CACTIN: variants seen among roughly 807,000 people sequenced by gnomAD.
CACTIN encodes the protein splicing factor Cactin.
A neutral mutation model predicts 84.9 loss-of-function variants in CACTIN; 20 were observed. That is an observed-to-expected ratio of 0.24 (90% CI 0.17 to 0.34). The LOEUF (loss-of-function observed/expected upper bound fraction) is 0.34. Among genes scored for constraint, CACTIN ranks in the 10% least tolerant of loss-of-function variants. CACTIN has a pLI of 1.00. For missense variants in CACTIN, 897 were observed against 1,117.2 expected, an observed-to-expected ratio of 0.80 and a Z score of 2.81; for synonymous variants, 549 against 467.9, an observed-to-expected ratio of 1.17 and a Z score of -2.24.
intron 9 of CACTIN, 39 bp from the exon 10 acceptor site, chr19:3,612,452 C>G: frequency 6.5e-7 from 1 of 1,539,256 alleles, no homozygotes; most frequent in East Asian, 2.3e-5. Flanking sequence ...CTCGGCCTCC[C>G]CCTGGGTCCT....
chr19:3,622,748 G>A (rs2033250080), intron 2 of CACTIN, among the ~76,000 whole-genome samples: 1 of 152,242 alleles, frequency 6.6e-6, no homozygotes, highest in Admixed American at 6.5e-5. Flanking sequence ...TTATGCCACT[G>A]GTGTGACTGG....
At chr19:3,620,024 G>T in intron 4 of CACTIN, 103 bp downstream of exon 4, 1 of 1,385,034 alleles carries the variant, frequency 7.2e-7, no homozygotes, top group Non-Finnish European at 9.9e-7. Context: ...GAAGTGCCGT[G>T]TGGGACCCTG....
At chr19:3,613,409 C>G in intron 8 of CACTIN, 44 bp from the exon 9 acceptor site, 1 of 1,541,248 alleles carries the variant, frequency 6.5e-7, no homozygotes, top group African/African-American at 1.4e-5. Flanking sequence ...GCCCACGGCC[C>G]CTCCATCCTG....
chr19:3,614,178 G>A (rs1404810860), intron 7 of CACTIN, among the ~76,000 whole-genome samples: 2 of 152,128 alleles, frequency 1.3e-5, no homozygotes, highest in Non-Finnish European at 2.9e-5. Context: ...GAGGGCACTG[G>A]AGCATCCTGG....
chr19:3,611,766 G>A lies in CACTIN; in HGVS notation c.*157C>T, dbSNP rs907823052. 1.1e-6 allele frequency: 1 copy of A among 948,792 alleles called. No homozygotes were observed. Among genetic ancestry groups the A allele is most frequent in the Non-Finnish European group, 1.6e-6 (1 of 612,272 alleles). 58.8% of individuals were successfully genotyped at this position (948,792 alleles called of 1,614,324 possible). On this transcript the variant is annotated 3_prime_UTR_variant, in exon 10 of 10. Transcript: ENST00000429344. ...CAATGGTGACCCCCCTTTTATATAGGAGGAAACTGAGGCCTGGCGAAAGAA... is the reference window on the plus strand; with the variant it reads ...CAATGGTGACCCCCCTTTTATATAGAAGGAAACTGAGGCCTGGCGAAAGAA...
At position 3,610,914 on chromosome 19, in the gene CACTIN, C is replaced by A. The variant is rs1433832671; in HGVS notation, c.*1009G>T. On this transcript the variant is annotated 3_prime_UTR_variant, in exon 10 of 10. Coordinates refer to ENST00000429344, the MANE Select transcript of CACTIN (RefSeq NM_001080543.2). Reference sequence around the variant, plus strand: ...CGTCGGATGCTGAAGAACAAGCCTGCCGGCTGGGCCACTCCGACCTGGGCT... The same window carrying A: ...CGTCGGATGCTGAAGAACAAGCCTGACGGCTGGGCCACTCCGACCTGGGCT... The A allele has an allele frequency of 6.6e-6, 3 of 456,766 alleles. No individual in the cohort carries two copies. The highest frequency in any genetic ancestry group is 4.6e-5 in the South Asian group (3 of 64,572). The allele number at this position is 456,766 out of a possible 1,614,324, so 28.3% of individuals were successfully genotyped here. A position where few individuals can be genotyped will look rare whatever the true frequency, so the allele number is the denominator to read the frequency against.
chr19:3,614,699 C>T (rs955562931), intron 6 of CACTIN, 110 bp from the exon 7 acceptor site: 1 of 842,708 alleles, frequency 1.2e-6, no homozygotes, highest in African/African-American at 1.7e-5. Context: ...CCTCCTCTTC[C>T]CCCACAGGGG....
rs1223249917 is a variant in CACTIN at position 3,613,648 on chromosome 19, C to T, written c.1356-62G>A. The T allele has an allele frequency of 2.6e-6, 4 of 1,546,840 alleles. No homozygotes were observed. The African/African-American group carries it at 5.4e-5, about 21-fold the overall frequency. On this transcript the variant is annotated intron_variant, in intron 7 of 9. Transcript: ENST00000429344. Reference sequence around the variant, plus strand: ...AAGGGGCTCCGCGCCCCACCCCCACCGAGATTCTCACGCCCCTTATTGCTG... The same window carrying T: ...AAGGGGCTCCGCGCCCCACCCCCACTGAGATTCTCACGCCCCTTATTGCTG...
At position 3,615,791 on chromosome 19, in the gene CACTIN, G is replaced by A. The variant is rs2145319666; in HGVS notation, c.1163-1202C>T. On this transcript the variant is annotated intron_variant, in intron 6 of 9. Transcript: ENST00000429344. The surrounding 1 kb of genome is among the most constrained non-coding windows in gnomAD (Gnocchi z 5.2). ...CCCACACCTACACCACAGGGGACTG[G>A]ATAGAGTCTAGACGGACCCGAGTCC... 6.6e-6 allele frequency: 1 copy of A among 152,332 alleles called. No homozygotes were observed. The highest frequency in any genetic ancestry group is 2.4e-5 in the African/African-American group (1 of 41,526). 9.4% of individuals were successfully genotyped at this position (152,332 alleles called of 1,614,324 possible). A position where few individuals can be genotyped will look rare whatever the true frequency, so the allele number is the denominator to read the frequency against.
chr19:3,621,833 C>T (rs779835909), intron 2 of CACTIN, among the ~76,000 whole-genome samples: 1 of 152,174 alleles, frequency 6.6e-6, no homozygotes, highest in East Asian at 1.9e-4. Context: ...GGCAGGGGCG[C>T]GGCAGTGTGA....
chr19:3,614,810 A>G (rs2145317907), intron 6 of CACTIN: 1 of 587,628 alleles, frequency 1.7e-6, no homozygotes, highest in Middle Eastern at 4.6e-4. Flanking sequence ...GTTAAGATGC[A>G]GTTGCTGAGG....
Position 3,612,184 on chromosome 19 carries a change from G to T in CACTIN, c.2016C>A (p.Ile672=), listed in dbSNP as rs201568503. 3.2e-4 allele frequency: 519 copies of T among 1,613,548 alleles called. 3 individuals are homozygous for T. In the African/African-American group the frequency reaches 6.6e-3, roughly 20 times the overall value. Residue 672 remains isoleucine (I), a synonymous_variant, in exon 10 of 10, where the codon ATC becomes ATA. Coordinates refer to ENST00000429344, the MANE Select transcript of CACTIN (RefSeq NM_001080543.2). ...AGATGTTGAACTTGTATCCCTGCAC[G>T]ATCTTGGGCGGTGGGTTGTCAAAGT... ...HYDFDNPPPK[I]VQGYKFNIFY...
At chr19:3,621,080 T>C (rs2033214353) in intron 2 of CACTIN, 1 of 536,136 alleles carries the variant, frequency 1.9e-6, no homozygotes, top group Non-Finnish European at 3.4e-6. Context: ...CCGCCCCAAC[T>C]CCCAACAGGA....
At chr19:3,617,470 G>C (rs1050361852) in intron 6 of CACTIN, among the ~76,000 whole-genome samples, 13 of 152,192 alleles carry the variant, frequency 8.5e-5, no homozygotes, top group Admixed American at 4.6e-4. Context: ...CAACTGTAAC[G>C]CGTGAGGGGA....
chr19:3,620,411 G>T, intron 3 of CACTIN, 139 bp from the exon 4 acceptor site: 1 of 1,020,028 alleles, frequency 9.8e-7, no homozygotes, highest in Non-Finnish European at 1.5e-6. Flanking sequence ...CTGGGCTGGT[G>T]GACAGACCTT....
rs1250029682 is a variant in CACTIN, at chr19:3,614,310, G to A, written c.1355+87C>T. On this transcript the variant is annotated intron_variant, in intron 7 of 9. Coordinates refer to ENST00000429344, the MANE Select transcript of CACTIN (RefSeq NM_001080543.2). Reference sequence around the variant, plus strand: ...ACCCCACATGGTCCCAGGAGGAGGCGAGACCCACCCCACCCAGGACTCAGG... The same window carrying A: ...ACCCCACATGGTCCCAGGAGGAGGCAAGACCCACCCCACCCAGGACTCAGG... 1.3e-5 allele frequency: 18 copies of A among 1,355,250 alleles called. No individual in the cohort carries two copies. In the East Asian group the frequency reaches 2.3e-4, roughly 17 times the overall value. 84.0% of individuals were successfully genotyped at this position (1,355,250 alleles called of 1,614,324 possible).
chr19:3,612,514 A>C, intron 9 of CACTIN, 101 bp from the exon 10 acceptor site: 1 of 1,440,698 alleles, frequency 6.9e-7, no homozygotes. Flanking sequence ...CCTCCCGCAA[A>C]AGGAAAACAG....
chr19:3,613,661 C>A (rs1260245463), intron 7 of CACTIN, 75 bp from the exon 8 acceptor site: 2 of 1,524,368 alleles, frequency 1.3e-6, no homozygotes, highest in African/African-American at 1.4e-5. Context: ...GATTCTCACG[C>A]CCCTTATTGC....
chr19:3,619,590 G>A (rs1286565716), intron 4 of CACTIN, among the ~76,000 whole-genome samples: 2 of 152,174 alleles, frequency 1.3e-5, no homozygotes, highest in African/African-American at 4.8e-5. Flanking sequence ...AGGCAGGCTG[G>A]GGGACCAGAG....
Sources: allele counts gnomAD v4.1 joint callset (sites outside exome capture counted in the v4.1 genomes callset), GRCh38; gene constraint gnomAD v4.1.1; non-coding constraint Gnocchi (gnomAD v3.1); transcripts MANE v1.5; gene names NCBI Gene and HGNC (gene_info 2026-07-23, HGNC 2026-07-21).